SLC7A5: variants seen among roughly 807,000 people sequenced by gnomAD.
SLC7A5 encodes large neutral amino acids transporter small subunit 1.
A neutral mutation model predicts 50.2 loss-of-function variants in SLC7A5; 23 were observed. The ratio of observed to expected loss-of-function variants is 0.46; its 90% CI spans 0.33 to 0.65. SLC7A5 has a LOEUF of 0.65. Among genes scored for constraint, SLC7A5 ranks in the 30% least tolerant of loss-of-function variants. SLC7A5 has a pLI of 0.02. For synonymous variants in SLC7A5, 393 were observed against 330.6 expected (o/e 1.19, Z -2.05); for missense variants, 578 against 684.4 (o/e 0.84, Z 1.73).
Position 87,839,591 on chromosome 16 carries a change from C to G in SLC7A5, c.939+111G>C, listed in dbSNP as rs920264026. Reference sequence around the variant, plus strand: ...TAGGGGAGGCTTAGAGACGCGGGGCCCCCTCTGCGTAGGGGAGGCTTAGAG... The same window carrying G: ...TAGGGGAGGCTTAGAGACGCGGGGCGCCCTCTGCGTAGGGGAGGCTTAGAG... On this transcript the variant is annotated intron_variant, in intron 5 of 9. Coordinates refer to ENST00000261622, the MANE Select transcript of SLC7A5 (RefSeq NM_003486.7). 19 of 1,526,340 alleles carry G rather than the reference C, an allele frequency of 1.2e-5. No homozygotes were observed. In the Admixed American group the frequency reaches 2.9e-4, roughly 23 times the overall value. 94.5% of individuals were successfully genotyped at this position (1,526,340 alleles called of 1,614,324 possible).
chr16:87,869,472 A>G lies in SLC7A5; in HGVS notation c.-50T>C. 8.1e-7 allele frequency: 1 copy of G among 1,229,972 alleles called. No individual in the cohort carries two copies. The highest frequency in any genetic ancestry group is 3.2e-5 in the South Asian group (1 of 30,942). The allele number at this position is 1,229,972 out of a possible 1,614,324, so 76.2% of individuals were successfully genotyped here. A position where few individuals can be genotyped will look rare whatever the true frequency, so the allele number is the denominator to read the frequency against. On this transcript the variant is annotated 5_prime_UTR_variant, in exon 1 of 10. Coordinates refer to ENST00000261622, the MANE Select transcript of SLC7A5 (RefSeq NM_003486.7). ...GACACCCGGGAGCCGCGGCCCAGCGAGCAGTGTGCGCGCCGCCCGCCGCCC... is the reference window on the plus strand; with the variant it reads ...GACACCCGGGAGCCGCGGCCCAGCGGGCAGTGTGCGCGCCGCCCGCCGCCC...
chr16:87,845,619 C>A (rs1454456556), intron 2 of SLC7A5, among the ~76,000 whole-genome samples: 1 of 152,192 alleles, frequency 6.6e-6, no homozygotes, highest in African/African-American at 2.4e-5. Context: ...TGCCTGGGAA[C>A]CGTGATGGGG....
chr16:87,863,198 C>A (rs1415697858), intron 1 of SLC7A5, among the ~76,000 whole-genome samples: 2 of 152,146 alleles, frequency 1.3e-5, no homozygotes, highest in Non-Finnish European at 2.9e-5. Flanking sequence ...TGCAGTGAGC[C>A]CATCGGGCCC....
chr16:87,864,843 A>AC (rs1463453770), intron 1 of SLC7A5, among the ~76,000 whole-genome samples: 58 of 152,302 alleles, frequency 3.8e-4, no homozygotes, highest in Middle Eastern at 3.4e-3. Flanking sequence ...GCACTTAAAC[A>AC]CCCACGGTCT....
chr16:87,863,482 A>G (rs1161686814), intron 1 of SLC7A5: 1 of 152,170 alleles, frequency 6.6e-6, no homozygotes, highest in Non-Finnish European at 1.5e-5. Context: ...AATTTCCAGT[A>G]CACGCTGCCA....
At chr16:87,843,091 C>T (rs1052387981) in intron 2 of SLC7A5, among the ~76,000 whole-genome samples, 2 of 152,120 alleles carry the variant, frequency 1.3e-5, no homozygotes, top group African/African-American at 4.8e-5. Flanking sequence ...GAAGGTGAGC[C>T]CTGGAGGCCA....
At chr16:87,864,294 A>G (rs2143832673) in intron 1 of SLC7A5, among the ~76,000 whole-genome samples, 1 of 151,442 alleles carries the variant, frequency 6.6e-6, no homozygotes, top group African/African-American at 2.4e-5. Flanking sequence ...CTCCACCTCA[A>G]AATAAATAAA....
At chr16:87,850,360 A>C (rs771627813) in intron 2 of SLC7A5, among the ~76,000 whole-genome samples, 1 of 152,204 alleles carries the variant, frequency 6.6e-6, no homozygotes, top group Non-Finnish European at 1.5e-5. Flanking sequence ...GGCAGCTCAC[A>C]GCTTGCTGGG....
At chr16:87,866,309 A>G (rs2055460133) in intron 1 of SLC7A5, among the ~76,000 whole-genome samples, 1 of 152,106 alleles carries the variant, frequency 6.6e-6, no homozygotes, top group African/African-American at 2.4e-5. Context: ...GGAAGCATAC[A>G]CTGTCAGCCG....
rs977082423 is a variant in SLC7A5 at position 87,861,271 on chromosome 16, G to C, written c.538+7614C>G. Among the ~76,000 whole-genome samples, 5 of 152,142 alleles carry C rather than the reference G, an allele frequency of 3.3e-5. No homozygotes were observed. Among genetic ancestry groups the C allele is most frequent in the African/African-American group, 1.2e-4 (5 of 41,418 alleles). ...GGGAAGGATGGAGAAGGGTGGAGGA[G>C]CGCAAAGGGCCCCTAGGGGATGCTG... On this transcript the variant is annotated intron_variant, in intron 1 of 9. Transcript: ENST00000261622. The surrounding 1 kb of genome is among the most constrained non-coding windows in gnomAD (Gnocchi z 4.2).
At position 87,848,612 on chromosome 16, in the gene SLC7A5, C is replaced by T. The variant is rs548804496; in HGVS notation, c.664+3112G>A. On this transcript the variant is annotated intron_variant, in intron 2 of 9. Coordinates refer to ENST00000261622, the MANE Select transcript of SLC7A5 (RefSeq NM_003486.7). Reference sequence around the variant, plus strand: ...AAGACGCGGAGGAGGCAAGGGCTCCCGACCACTCAGGCCCCTGCAGAGTCG... The same window carrying T: ...AAGACGCGGAGGAGGCAAGGGCTCCTGACCACTCAGGCCCCTGCAGAGTCG... 1.2e-4 allele frequency among the ~76,000 whole-genome samples: 19 copies of T among 152,312 alleles called. No homozygotes were observed. In the South Asian group the frequency reaches 3.3e-3, roughly 27 times the overall value.
In SLC7A5 at chr16:87,841,918, C is replaced by A. The variant is rs1406713616; in HGVS notation, c.665-763G>T. ...TAAGGCCACCAGCATTCACAGGTTC[C>A]CCAGGAGGACATGTCTTTTGGGGGA... On this transcript the variant is annotated intron_variant, in intron 2 of 9. Coordinates refer to ENST00000261622, the MANE Select transcript of SLC7A5 (RefSeq NM_003486.7). This position sits in a 1 kb window ranked among gnomAD's most constrained non-coding sequence, Gnocchi z 4.8. 1.3e-5 allele frequency among the ~76,000 whole-genome samples: 2 copies of A among 152,220 alleles called. No individual in the cohort carries two copies. The highest frequency in any genetic ancestry group is 2.9e-5 in the Non-Finnish European group (2 of 68,042).
chr16:87,833,160 G>C lies in SLC7A5; in HGVS notation c.1469-135C>G, dbSNP rs1567485350. On this transcript the variant is annotated intron_variant, in intron 9 of 9. Coordinates refer to ENST00000261622, the MANE Select transcript of SLC7A5 (RefSeq NM_003486.7). This position sits in a 1 kb window ranked among gnomAD's most constrained non-coding sequence, Gnocchi z 6.0. ...CGCTGCCCAGCGCTGGGATTTTAAG[G>C]AACCTTCCCTTGTGTACTTGCGCAT... The C allele has an allele frequency of 6.4e-6, 5 of 779,276 alleles. No homozygotes were observed. Among genetic ancestry groups the C allele is most frequent in the Non-Finnish European group, 1.2e-5 (5 of 433,618 alleles). The allele number at this position is 779,276 out of a possible 1,614,324, so 48.3% of individuals were successfully genotyped here.
At chr16:87,849,220 T>G (rs1310548523) in intron 2 of SLC7A5, among the ~76,000 whole-genome samples, 1 of 126,332 alleles carries the variant, frequency 7.9e-6, no homozygotes, top group East Asian at 2.0e-4. Context: ...CCCAAGGGCT[T>G]TGCGTCCACT....
At chr16:87,840,961 C>A in intron 3 of SLC7A5, 89 bp downstream of exon 3, 1 of 886,010 alleles carries the variant, frequency 1.1e-6, no homozygotes, top group Non-Finnish European at 1.9e-6. Context: ...CCTTTAACTG[C>A]CCCTTGATGG....
At chr16:87,850,534 G>A (rs747282283) in intron 2 of SLC7A5, among the ~76,000 whole-genome samples, 24 of 152,234 alleles carry the variant, frequency 1.6e-4, no homozygotes, top group Admixed American at 4.6e-4. Flanking sequence ...TGCACTCAGC[G>A]AAAGCTCCAC....
intron 6 of SLC7A5, 80 bp downstream of exon 6, chr16:87,838,634 C>T: frequency 9.0e-7 from 1 of 1,111,990 alleles, no homozygotes; most frequent in Non-Finnish European, 1.4e-6. Context: ...AGAGACAAAC[C>T]TTTTACAGAC....
In SLC7A5 at chr16:87,852,638, CTGTGTGTGTGTG is replaced by C. The variant is rs61164920; in HGVS notation, c.539-801_539-790del. Among the ~76,000 whole-genome samples the C allele has an allele frequency of 6.7e-3, 782 of 116,840 alleles. 5 individuals carry two copies. The highest frequency in any genetic ancestry group is 0.017 in the Admixed American group (187 of 11,040). 76.7% of individuals were successfully genotyped at this position (116,840 alleles called of 152,430 possible). ...CTGTAAGGCACCCAGCTCTGAGCCT[CTGTGTGTGTGTG>C]TGTGTGTGTGTGTGTGTGTGTGTGT... On this transcript the variant is annotated intron_variant, in intron 1 of 9. Coordinates refer to ENST00000261622, the MANE Select transcript of SLC7A5 (RefSeq NM_003486.7). This position sits in a 1 kb window ranked among gnomAD's most constrained non-coding sequence, Gnocchi z 4.5.
intron 1 of SLC7A5, among the ~76,000 whole-genome samples, chr16:87,856,403 C>T (rs1465795937): frequency 6.6e-6 from 1 of 152,216 alleles, no homozygotes; most frequent in Non-Finnish European, 1.5e-5. Flanking sequence ...TTCCAGGAAG[C>T]CCAGGCAGCC....
Sources: gnomAD v4.1 joint callset for allele counts (sites outside exome capture counted in the v4.1 genomes callset) on GRCh38, gnomAD v4.1.1 for gene constraint, Gnocchi (gnomAD v3.1) non-coding constraint, MANE v1.5 for transcripts, NCBI Gene and HGNC (gene_info 2026-07-23, HGNC 2026-07-21) for gene names.